Variants in BOLL observed in about 807,000 individuals in gnomAD.
BOLL encodes boule RNA binding protein.
BOLL carries 23 observed loss-of-function variants against 44.4 expected under a neutral mutation model. The ratio of observed to expected loss-of-function variants is 0.52; its 90% CI spans 0.37 to 0.73. The LOEUF is 0.73. Among genes scored for constraint, BOLL ranks in the 30% least tolerant of loss-of-function variants. The pLI is 0.00. For missense variants in BOLL, 287 were observed against 338.3 expected (o/e 0.85, Z 1.19); for synonymous variants, 97 against 110.8 (o/e 0.88, Z 0.78).
At chr2:197,759,756 G>C (rs1427668728) in intron 7 of BOLL, among the ~76,000 whole-genome samples, 1 of 152,138 alleles carries the variant, frequency 6.6e-6, no homozygotes, top group African/African-American at 2.4e-5. Context: ...TGGTCAAACT[G>C]CTGCACTCTC....
intron 5 of BOLL, among the ~76,000 whole-genome samples, chr2:197,775,259 CT>C (rs1689456842): frequency 1.3e-5 from 2 of 151,742 alleles, no homozygotes; most frequent in Non-Finnish European, 2.9e-5. Context: ...CAGCGAGTTT[CT>C]GATATTAGTT....
chr2:197,748,784 G>T (rs1688101396), intron 9 of BOLL, among the ~76,000 whole-genome samples: 1 of 152,234 alleles, frequency 6.6e-6, no homozygotes, highest in Admixed American at 6.5e-5. Context: ...AAACACCTGG[G>T]GGAAGGGGCA....
At chr2:197,760,616 AC>A (rs1351684153) in intron 7 of BOLL, among the ~76,000 whole-genome samples, 1 of 152,030 alleles carries the variant, frequency 6.6e-6, no homozygotes, top group African/African-American at 2.4e-5. Flanking sequence ...CAGCAAGCCC[AC>A]CCCTGGCAAA....
chr2:197,737,376 GGA>G (rs1229325744), intron 10 of BOLL, among the ~76,000 whole-genome samples: 1 of 151,956 alleles, frequency 6.6e-6, no homozygotes. Flanking sequence ...ACATCAAAAA[GGA>G]GTCTTGGTAG....
intron 6 of BOLL, among the ~76,000 whole-genome samples, chr2:197,766,935 C>T (rs1486315804): frequency 9.2e-5 from 14 of 151,844 alleles, no homozygotes; most frequent in African/African-American, 1.9e-4. Flanking sequence ...CTTAGGGTGA[C>T]GCTGCCTGTT....
chr2:197,775,851 T>C, intron 4 of BOLL, 111 bp from the exon 5 acceptor site: 1 of 582,638 alleles, frequency 1.7e-6, no homozygotes, highest in Non-Finnish European at 2.7e-6. Context: ...ATAATATTCT[T>C]TCAAAGCAGC....
Position 197,785,285 on chromosome 2 carries a change from C to A in BOLL, c.-245G>T. ...CAGCAGCAGTGGCGGGAAGCCTCAACGGCAGCGACCCCGCCGCTGGCCTCG... is the reference window on the plus strand; with the variant it reads ...CAGCAGCAGTGGCGGGAAGCCTCAAAGGCAGCGACCCCGCCGCTGGCCTCG... On this transcript the variant is annotated 5_prime_UTR_variant, in exon 1 of 11. Coordinates refer to ENST00000392296, the MANE Select transcript of BOLL (RefSeq NM_033030.6). The surrounding 1 kb of genome is among the most constrained non-coding windows in gnomAD (Gnocchi z 6.7). 4 of 985,184 alleles carry A rather than the reference C, an allele frequency of 4.1e-6. No individual in the cohort carries two copies. The highest frequency in any genetic ancestry group is 4.8e-6 in the Non-Finnish European group (4 of 829,666). The allele number at this position is 985,184 out of a possible 1,614,324, so 61.0% of individuals were successfully genotyped here. A position where few individuals can be genotyped will look rare whatever the true frequency, so the allele number is the denominator to read the frequency against.
Position 197,778,999 on chromosome 2 carries a change from T to C in BOLL, c.197A>G (p.Asn66Ser), listed in dbSNP as rs1204387881. 8.1e-6 allele frequency: 13 copies of C among 1,611,614 alleles called. No homozygotes were observed. Among genetic ancestry groups the C allele is most frequent in the Non-Finnish European group, 1.1e-5 (13 of 1,178,482 alleles). The stretch of plus-strand genomic sequence containing the variant: ...CCCTTTGGATACTCCAGCTCTGTCA[T>C]TTACAATCTTCACTTCTTTCACAGA... ...YGSVKEVKIV[N>S]DRAGVSKGYG... The change falls in exon 3 of 11, where the codon AAT (asparagine) becomes AGT (serine). Residue 66 changes from asparagine to serine, a missense_variant. Physicochemically the swap from Asn to Ser is conservative, Grantham distance 46. Transcript: ENST00000392296.
chr2:197,769,428 G>A (rs1180352124), intron 6 of BOLL, among the ~76,000 whole-genome samples: 1 of 151,956 alleles, frequency 6.6e-6, no homozygotes, highest in Non-Finnish European at 1.5e-5. Context: ...ATTTCTTCTA[G>A]ATTTTCTAGT....
chr2:197,764,001 C>T (rs1688877773), intron 7 of BOLL, among the ~76,000 whole-genome samples: 1 of 152,052 alleles, frequency 6.6e-6, no homozygotes, highest in South Asian at 2.1e-4. Context: ...TATTATCTAC[C>T]CCAGTTAGGA....
chr2:197,785,915 G>T, upstream of BOLL: 1 of 1,339,458 alleles, frequency 7.5e-7, no homozygotes, highest in East Asian at 2.3e-5. This position sits in a 1 kb window ranked among gnomAD's most constrained non-coding sequence, Gnocchi z 6.7. Flanking sequence ...CAAGCCCTCA[G>T]GGACAGGCTC....
At chr2:197,728,694 GT>G in intron 10 of BOLL, 116 bp from the exon 11 acceptor site, 1 of 709,612 alleles carries the variant, frequency 1.4e-6, no homozygotes, top group Non-Finnish European at 2.4e-6. Context: ...CAGAACCTTG[GT>G]ACCAATTAAA....
At chr2:197,736,007 C>A (rs181552933) in intron 10 of BOLL, among the ~76,000 whole-genome samples, 1 of 152,056 alleles carries the variant, frequency 6.6e-6, no homozygotes, top group East Asian at 1.9e-4. Flanking sequence ...AAGAGACCAT[C>A]GAACTTTTTC....
At chr2:197,753,081 C>T (rs548443085) in intron 9 of BOLL, among the ~76,000 whole-genome samples, 10 of 152,172 alleles carry the variant, frequency 6.6e-5, no homozygotes, top group Middle Eastern at 3.4e-3. Context: ...TAAATGGTGT[C>T]GAGAAAACTG....
intron 9 of BOLL, among the ~76,000 whole-genome samples, chr2:197,749,214 G>A (rs1442507083): frequency 1.3e-5 from 2 of 152,104 alleles, no homozygotes; most frequent in African/African-American, 4.8e-5. Flanking sequence ...GGACATCCAC[G>A]CAAAAACCCC....
At chr2:197,745,353 T>C in intron 9 of BOLL, among the ~76,000 whole-genome samples, 1 of 152,162 alleles carries the variant, frequency 6.6e-6, no homozygotes, top group East Asian at 1.9e-4. Flanking sequence ...CATTAAGTTA[T>C]ATATTAGTCA....
At chr2:197,784,391 C>CATACATATATATATATAT (rs1305139578) in intron 1 of BOLL, among the ~76,000 whole-genome samples, 1 of 55,000 alleles carries the variant, frequency 1.8e-5, no homozygotes, top group African/African-American at 8.5e-5. Flanking sequence ...CAGTCTAATA[C>CATACATATATATATATAT]ATATATATAT....
rs199838771 is a variant in BOLL, at chr2:197,757,385, A to C, written c.568T>G (p.Leu190Val). 4.0e-5 allele frequency: 65 copies of C among 1,610,530 alleles called. No individual in the cohort carries two copies. The highest frequency in any genetic ancestry group is 5.1e-5 in the Non-Finnish European group (60 of 1,178,446). Residue 190 changes from leucine to valine, a missense_variant, in exon 8 of 11, where the codon TTA (leucine) becomes GTA (valine). Leu to Val is a conservative substitution (Grantham distance 32). Coordinates refer to ENST00000392296, the MANE Select transcript of BOLL (RefSeq NM_033030.6). ...AYHYQATTQY[L>V]PGQWQWSVPQ... is the part of the protein sequence containing the mutation. ...ACACTCCACTGCCACTGTCCTGGTA[A>C]ATACTGTGTGGTGGCCTAAAATTAA...
At chr2:197,750,508 T>C (rs1559400682) in intron 9 of BOLL, among the ~76,000 whole-genome samples, 1 of 152,116 alleles carries the variant, frequency 6.6e-6, no homozygotes, top group Non-Finnish European at 1.5e-5. Flanking sequence ...TAGTCTCTGA[T>C]AAAACAGACT....
Sources: allele counts gnomAD v4.1 joint callset (sites outside exome capture counted in the v4.1 genomes callset), GRCh38; gene constraint gnomAD v4.1.1; non-coding constraint Gnocchi (gnomAD v3.1); transcripts MANE v1.5; gene names NCBI Gene and HGNC (gene_info 2026-07-23, HGNC 2026-07-21).